ESR1: variants seen among roughly 807,000 people sequenced by gnomAD.
ESR1 encodes estrogen receptor 1.
In ESR1, 12 loss-of-function variants were observed where a neutral mutation model predicts 52.7. The ratio of observed to expected loss-of-function variants is 0.23; its 90% CI spans 0.15 to 0.37. ESR1 has a LOEUF of 0.37. Among genes scored for constraint, ESR1 ranks in the 10% least tolerant of loss-of-function variants. ESR1 has a pLI of 1.00. For missense variants in ESR1, 584 were observed against 779.7 expected, an observed-to-expected ratio of 0.75 and a Z score of 2.99; for synonymous variants, 305 against 316.8, an observed-to-expected ratio of 0.96 and a Z score of 0.39.
intron 2 of ESR1, among the ~76,000 whole-genome samples, chr6:151,783,983 A>C (rs1249192472): frequency 6.6e-6 from 1 of 152,250 alleles, no homozygotes; most frequent in Non-Finnish European, 1.5e-5. Flanking sequence ...TGAGAGGAAG[A>C]CCACAGAAAT....
intron 2 of ESR1, among the ~76,000 whole-genome samples, chr6:151,853,666 G>A (rs1787300560): frequency 6.6e-6 from 1 of 152,162 alleles, no homozygotes. Flanking sequence ...GGCAACAAAT[G>A]CCTTTGAAGG....
intron 2 of ESR1, among the ~76,000 whole-genome samples, chr6:151,778,308 A>T (rs1583243069): frequency 6.6e-6 from 1 of 152,162 alleles, no homozygotes; most frequent in South Asian, 2.1e-4. Context: ...ATTTCTGGAG[A>T]TGGACAATGG....
intron 3 of ESR1, among the ~76,000 whole-genome samples, chr6:151,899,454 TG>T (rs1215341584): frequency 1.1e-4 from 13 of 119,736 alleles, no homozygotes. Flanking sequence ...CCTCCCGGAC[TG>T]GGCAGCTGGC....
Position 152,099,058 on chromosome 6 carries a change from A to G in ESR1, c.*92A>G. 3.0e-6 allele frequency: 3 copies of G among 984,240 alleles called. No homozygotes were observed. The highest frequency in any genetic ancestry group is 3.1e-6 in the Non-Finnish European group (2 of 634,946). 61.0% of individuals were successfully genotyped at this position (984,240 alleles called of 1,614,324 possible). On this transcript the variant is annotated 3_prime_UTR_variant, in exon 8 of 8. Coordinates refer to ENST00000206249, the MANE Select transcript of ESR1 (RefSeq NM_000125.4). ...TAGCCAAATTCTGTCTCCTGCATACACTCCGGCATGCATCCAACACCAATG... is the reference window on the plus strand; with the variant it reads ...TAGCCAAATTCTGTCTCCTGCATACGCTCCGGCATGCATCCAACACCAATG...
intron 1 of ESR1, among the ~76,000 whole-genome samples, chr6:151,830,351 A>G (rs1271492213): frequency 6.6e-6 from 1 of 152,080 alleles, no homozygotes; most frequent in African/African-American, 2.4e-5. Context: ...TCTCAGCTAG[A>G]TGCTCACTCA....
At chr6:152,105,188 T>C (rs187980253), downstream of ESR1, among the ~76,000 whole-genome samples, 21 of 152,292 alleles carry the variant, frequency 1.4e-4, no homozygotes, top group South Asian at 2.3e-3. Flanking sequence ...CCCTAAGTTC[T>C]ATGAGCCACC....
At chr6:151,793,195 C>T (rs1030252273) in intron 2 of ESR1, among the ~76,000 whole-genome samples, 1 of 151,436 alleles carries the variant, frequency 6.6e-6, no homozygotes, top group Non-Finnish European at 1.5e-5. Flanking sequence ...AAGTTTTAAA[C>T]CTTTTTAAAA....
chr6:151,914,204 C>T (rs12204714), intron 3 of ESR1, among the ~76,000 whole-genome samples: 78,129 of 151,350 alleles, frequency 0.52, 22,311 homozygotes, highest in Middle Eastern at 0.73. Context: ...TCAGGGCTCA[C>T]AATTTCTTTG....
chr6:151,833,598 A>G (rs1782800549), intron 1 of ESR1, among the ~76,000 whole-genome samples: 1 of 152,134 alleles, frequency 6.6e-6, no homozygotes, highest in South Asian at 2.1e-4. Flanking sequence ...GCAAATATTT[A>G]TTAATCATCC....
At chr6:151,823,628 C>T (rs190026325) in intron 1 of ESR1, among the ~76,000 whole-genome samples, 320 of 152,158 alleles carry the variant, frequency 2.1e-3, no homozygotes, top group Middle Eastern at 0.01. Flanking sequence ...CCCCTACCCC[C>T]ACCCCACGAC....
intron 4 of ESR1, among the ~76,000 whole-genome samples, chr6:151,955,777 G>A (rs1294031649): frequency 1.3e-5 from 2 of 152,072 alleles, no homozygotes; most frequent in Non-Finnish European, 2.9e-5. Flanking sequence ...TGTTATATAG[G>A]TAAACTCATG....
intron 2 of ESR1, among the ~76,000 whole-genome samples, chr6:151,768,475 C>A (rs1042406225): frequency 2.6e-5 from 4 of 152,124 alleles, no homozygotes; most frequent in Non-Finnish European, 4.4e-5. Context: ...TGAATTGGGT[C>A]TTGGGTCAGA....
chr6:151,754,949 C>T (rs1407183942), intron 2 of ESR1, among the ~76,000 whole-genome samples: 2 of 152,124 alleles, frequency 1.3e-5, no homozygotes, highest in Non-Finnish European at 2.9e-5. Context: ...TGGTGGCTCA[C>T]GCCTGTAATC....
At chr6:152,121,984 TC>T (rs750457842) in intron 6 of ESR1, 11 of 184,848 alleles carry the variant, frequency 6.0e-5, no homozygotes, top group Non-Finnish European at 8.2e-5. Flanking sequence ...GTTACAAGGT[TC>T]TAAAATCTCT....
chr6:151,727,046 A>G (rs1279918162), intron 2 of ESR1, among the ~76,000 whole-genome samples: 1 of 152,248 alleles, frequency 6.6e-6, no homozygotes, highest in African/African-American at 2.4e-5. Flanking sequence ...GGCTAACAGC[A>G]ATTAAAAAAA....
At chr6:151,825,430 A>T (rs1781315768) in intron 1 of ESR1, among the ~76,000 whole-genome samples, 1 of 152,238 alleles carries the variant, frequency 6.6e-6, no homozygotes, top group Admixed American at 6.5e-5. Flanking sequence ...TAGGTCAGAT[A>T]ACTAACTGTA....
chr6:151,755,105 G>A (rs567722699), intron 2 of ESR1, among the ~76,000 whole-genome samples: 6 of 152,106 alleles, frequency 3.9e-5, no homozygotes. Flanking sequence ...AGTTACTGGG[G>A]AGGCTGAGGC....
intron 1 of ESR1, among the ~76,000 whole-genome samples, chr6:151,837,243 G>A (rs1783502811): frequency 6.6e-6 from 1 of 151,400 alleles, no homozygotes; most frequent in Non-Finnish European, 1.5e-5. Flanking sequence ...GGGATTACAG[G>A]CACCTGCCAC....
At chr6:152,025,887 GC>G (rs1289517501) in intron 5 of ESR1, among the ~76,000 whole-genome samples, 1 of 151,748 alleles carries the variant, frequency 6.6e-6, no homozygotes, top group Non-Finnish European at 1.5e-5. Context: ...TTTTCGCTGG[GC>G]CCCATAGATT....
Sources: allele counts gnomAD v4.1 joint callset (sites outside exome capture counted in the v4.1 genomes callset), GRCh38; gene constraint gnomAD v4.1.1; transcripts MANE v1.5; gene names NCBI Gene and HGNC (gene_info 2026-07-23, HGNC 2026-07-21).